PSD3: variants seen among roughly 807,000 people sequenced by gnomAD.
PSD3 encodes PH and SEC7 domain-containing protein 3.
In PSD3, 49 loss-of-function variants were observed where a neutral mutation model predicts 105.5. The observed-to-expected ratio is 0.46, with a 90% CI of 0.37 to 0.59. The LOEUF (loss-of-function observed/expected upper bound fraction) is 0.59. Ranked by LOEUF, PSD3 falls within the 20% of genes least tolerant of loss-of-function variation. The pLI, the probability that PSD3 is intolerant of heterozygous loss-of-function variation, is 0.00. For missense variants in PSD3, 1,561 were observed against 1,263.8 expected, an observed-to-expected ratio of 1.24 and a Z score of -3.57; for synonymous variants, 557 against 457.8, an observed-to-expected ratio of 1.22 and a Z score of -2.77.
rs370841536 is a variant in PSD3 at position 18,872,051 on chromosome 8, C to T, written c.813G>A (p.Glu271=). The T allele has an allele frequency of 1.2e-6, 2 of 1,614,060 alleles. No homozygotes were observed. The highest frequency in any genetic ancestry group is 2.7e-5 in the African/African-American group (2 of 74,930). ...GCTCTCTCCCAAGAGCAGACCTCTG[C>T]TCTTTCAAGAAACCAACACTGCCTG... is the stretch of plus-strand genomic sequence containing the variant. ...HSAGSVGFLK[E]QRSALGREHP... The change falls in exon 3 of 16, where the codon GAG becomes GAA. Residue 271 remains glutamate, a synonymous_variant. Transcript: ENST00000327040.
At chr8:18,825,205 C>T (rs1285547386) in intron 4 of PSD3, among the ~76,000 whole-genome samples, 1 of 151,964 alleles carries the variant, frequency 6.6e-6, no homozygotes, top group Non-Finnish European at 1.5e-5. Flanking sequence ...TTTGAGAACC[C>T]AAAAGTTAGT....
chr8:18,674,085 G>A (rs1185789397), intron 9 of PSD3, among the ~76,000 whole-genome samples: 2 of 152,110 alleles, frequency 1.3e-5, no homozygotes, highest in Admixed American at 6.5e-5. Context: ...AGTGGAGGGT[G>A]CAGTGAGCAG....
At chr8:18,737,722 C>T (rs1804259308) in intron 9 of PSD3, among the ~76,000 whole-genome samples, 1 of 151,758 alleles carries the variant, frequency 6.6e-6, no homozygotes, top group South Asian at 2.1e-4. Flanking sequence ...TTTTTTTTCC[C>T]CAGGGTACAG....
At chr8:18,794,075 C>T (rs1402912031) in intron 8 of PSD3, among the ~76,000 whole-genome samples, 4 of 39,508 alleles carry the variant, frequency 1.0e-4, no homozygotes, top group African/African-American at 2.7e-4. Context: ...AATCTATAAC[C>T]TTACCCCCAA....
intron 4 of PSD3, among the ~76,000 whole-genome samples, chr8:18,808,548 A>C (rs1252465673): frequency 1.3e-5 from 2 of 152,208 alleles, no homozygotes; most frequent in Non-Finnish European, 2.9e-5. Context: ...CCAAAACCAT[A>C]TAATTGCAAA....
intron 11 of PSD3, among the ~76,000 whole-genome samples, chr8:18,601,503 T>C (rs952675335): frequency 6.6e-6 from 1 of 152,272 alleles, no homozygotes; most frequent in South Asian, 2.1e-4. Flanking sequence ...TCAAGAATTC[T>C]TAGACTTGGA....
chr8:18,726,900 T>C (rs1168774183), intron 9 of PSD3, among the ~76,000 whole-genome samples: 4 of 152,152 alleles, frequency 2.6e-5, no homozygotes, highest in Non-Finnish European at 5.9e-5. Flanking sequence ...AGAAAATAAA[T>C]TGCTAGGCTG....
At chr8:18,707,826 A>C (rs1801993178) in intron 9 of PSD3, among the ~76,000 whole-genome samples, 1 of 152,198 alleles carries the variant, frequency 6.6e-6, no homozygotes. Context: ...AGAGACGCAA[A>C]AAGGAAAGCC....
intron 1 of PSD3, among the ~76,000 whole-genome samples, chr8:19,078,223 A>T (rs1031156415): frequency 6.6e-6 from 1 of 152,042 alleles, no homozygotes; most frequent in Non-Finnish European, 1.5e-5. Flanking sequence ...TCAAAGATAA[A>T]ATTTTTACCG....
intron 1 of PSD3, among the ~76,000 whole-genome samples, chr8:18,938,348 A>G (rs181657192): frequency 4.6e-5 from 7 of 152,286 alleles, no homozygotes; most frequent in Middle Eastern, 3.4e-3. Context: ...GGGGCCAGGC[A>G]CAGTGGCTCA....
intron 9 of PSD3, among the ~76,000 whole-genome samples, chr8:18,698,418 C>T (rs1801385097): frequency 6.6e-6 from 1 of 152,106 alleles, no homozygotes; most frequent in African/African-American, 2.4e-5. Context: ...GATGCTCAGC[C>T]TCACAGCGTT....
chr8:18,582,491 C>T (rs1009388965), intron 12 of PSD3, among the ~76,000 whole-genome samples: 1 of 152,136 alleles, frequency 6.6e-6, no homozygotes, highest in African/African-American at 2.4e-5. Flanking sequence ...ATATGGTCCA[C>T]TGGCTCTGTC....
chr8:19,053,019 G>T (rs554277766), intron 1 of PSD3, among the ~76,000 whole-genome samples: 1 of 152,148 alleles, frequency 6.6e-6, no homozygotes, highest in Non-Finnish European at 1.5e-5. Context: ...TGGAGCCAGG[G>T]CTTTGGCCAC....
chr8:18,779,905 G>C (rs1307657407), intron 8 of PSD3, among the ~76,000 whole-genome samples: 1 of 152,130 alleles, frequency 6.6e-6, no homozygotes, highest in Non-Finnish European at 1.5e-5. Flanking sequence ...GTAGCTGTTG[G>C]ACAATATGTT....
intron 11 of PSD3, among the ~76,000 whole-genome samples, chr8:18,602,026 T>A (rs1804475143): frequency 6.6e-6 from 1 of 152,180 alleles, no homozygotes; most frequent in African/African-American, 2.4e-5. Context: ...TTTGCTTCAT[T>A]TTAAAATGTG....
intron 1 of PSD3, among the ~76,000 whole-genome samples, chr8:18,958,824 T>G (rs1823734485): frequency 6.6e-6 from 1 of 152,184 alleles, no homozygotes; most frequent in South Asian, 2.1e-4. Context: ...CTTAAAGCAC[T>G]ATTTTAAAAA....
chr8:18,747,487 A>G (rs887222449), intron 9 of PSD3, among the ~76,000 whole-genome samples: 2 of 152,272 alleles, frequency 1.3e-5, no homozygotes, highest in East Asian at 1.9e-4. Flanking sequence ...AGAGAAAACT[A>G]CAGGTGAAAG....
chr8:18,884,769 C>T (rs1421096129), intron 2 of PSD3, among the ~76,000 whole-genome samples: 1 of 152,206 alleles, frequency 6.6e-6, no homozygotes, highest in Non-Finnish European at 1.5e-5. Context: ...CTAAATTTCA[C>T]ATACTAATGA....
chr8:18,673,406 T>G (rs1264624194), intron 9 of PSD3, among the ~76,000 whole-genome samples: 4 of 152,220 alleles, frequency 2.6e-5, no homozygotes, highest in Non-Finnish European at 1.5e-5. Context: ...GAGTTAATCA[T>G]CATCTTATTT....
Sources: gnomAD v4.1 joint callset for allele counts (sites outside exome capture counted in the v4.1 genomes callset) on GRCh38, gnomAD v4.1.1 for gene constraint, MANE v1.5 for transcripts, NCBI Gene and HGNC (gene_info 2026-07-23, HGNC 2026-07-21) for gene names.